TFAP2D: variants seen among roughly 807,000 people sequenced by gnomAD.
The protein encoded by TFAP2D is transcription factor AP-2 delta.
TFAP2D carries 9 observed loss-of-function variants against 43.6 expected under a neutral mutation model. The ratio of observed to expected loss-of-function variants is 0.21; its 90% CI spans 0.12 to 0.36. TFAP2D has a LOEUF of 0.36. TFAP2D is among the 10% of genes least tolerant of loss of function. The probability of loss-of-function intolerance (pLI) is 1.00; values close to 1 mark genes in which losing one functional copy is unlikely to be tolerated. For synonymous variants in TFAP2D, 256 were observed against 224.9 expected (o/e 1.14, Z -1.24); for missense variants, 513 against 561.4 (o/e 0.91, Z 0.87).
At chr6:50,737,973 TTTGA>T (rs1768986376) in intron 5 of TFAP2D, among the ~76,000 whole-genome samples, 2 of 152,118 alleles carry the variant, frequency 1.3e-5, no homozygotes, top group African/African-American at 4.8e-5. Context: ...CATTTATAGT[TTTGA>T]TTGATTATTG....
At chr6:50,748,804 T>C (rs1367881500) in intron 6 of TFAP2D, among the ~76,000 whole-genome samples, 1 of 151,916 alleles carries the variant, frequency 6.6e-6, no homozygotes, top group Non-Finnish European at 1.5e-5. Flanking sequence ...CAACTTTTAG[T>C]GTTACCATAC....
chr6:50,742,966 C>CACACACACACACACACAA (rs1212173327), intron 5 of TFAP2D, among the ~76,000 whole-genome samples: 15 of 140,552 alleles, frequency 1.1e-4, no homozygotes, highest in Admixed American at 5.5e-4. Flanking sequence ...CACACACACA[C>CACACACACACACACACAA]ACACACACAC....
At chr6:50,718,961 G>A in intron 2 of TFAP2D, 129 bp from the exon 3 acceptor site, 2 of 870,064 alleles carry the variant, frequency 2.3e-6, no homozygotes, top group African/African-American at 1.7e-5. Flanking sequence ...GCTTGCTTCA[G>A]CTCAATGCTT....
chr6:50,727,664 T>G (rs1768828264), intron 3 of TFAP2D, among the ~76,000 whole-genome samples: 1 of 152,212 alleles, frequency 6.6e-6, no homozygotes. Flanking sequence ...AAAACCTCTT[T>G]TCTCTCATAG....
chr6:50,720,703 G>T (rs1336401784), intron 3 of TFAP2D, among the ~76,000 whole-genome samples: 1 of 152,112 alleles, frequency 6.6e-6, no homozygotes, highest in Non-Finnish European at 1.5e-5. Flanking sequence ...CAGTGAACAG[G>T]GGACCAGGTG....
At chr6:50,755,355 C>A (rs1055143226) in intron 7 of TFAP2D, among the ~76,000 whole-genome samples, 1 of 151,452 alleles carries the variant, frequency 6.6e-6, no homozygotes, top group Non-Finnish European at 1.5e-5. Context: ...TGTTGCTTAG[C>A]CTTGAAATAT....
chr6:50,751,132 G>C (rs1306316547), intron 6 of TFAP2D, 79 bp from the exon 7 acceptor site: 4 of 970,416 alleles, frequency 4.1e-6, no homozygotes, highest in Non-Finnish European at 6.3e-6. Context: ...GAGAGAACAA[G>C]CCTTTGGTTA....
At chr6:50,736,159 C>T (rs1387835255) in intron 5 of TFAP2D, among the ~76,000 whole-genome samples, 3 of 152,150 alleles carry the variant, frequency 2.0e-5, no homozygotes, top group Admixed American at 2.0e-4. Context: ...TTAGTCCCAC[C>T]TTTGGGAGAA....
Position 50,739,961 on chromosome 6 carries a change from T to C in TFAP2D, c.884-5146T>C, listed in dbSNP as rs77944856. Among the ~76,000 whole-genome samples the C allele has an allele frequency of 3.2e-3, 487 of 152,270 alleles. 2 individuals are homozygous for C. Among genetic ancestry groups the C allele is most frequent in the African/African-American group, 0.011 (465 of 41,562 alleles). ...TCTCCAGGCCATAGATCGTATGATG[T>C]ATAGAGCTGTAGAATGCATTCCTTT... On this transcript the variant is annotated intron_variant, in intron 5 of 7. Coordinates refer to ENST00000008391, the MANE Select transcript of TFAP2D (RefSeq NM_172238.4).
At chr6:50,770,246 T>C in intron 7 of TFAP2D, among the ~76,000 whole-genome samples, 1 of 152,188 alleles carries the variant, frequency 6.6e-6, no homozygotes, top group Admixed American at 6.5e-5. Context: ...AGTTGTCTCA[T>C]TGTAGAAATA....
At chr6:50,716,601 A>T (rs758079211) in intron 2 of TFAP2D, among the ~76,000 whole-genome samples, 1 of 152,234 alleles carries the variant, frequency 6.6e-6, no homozygotes, top group Non-Finnish European at 1.5e-5. Context: ...CCAAAGATAG[A>T]ATTTATAATT....
chr6:50,756,579 T>C (rs1769268269), intron 7 of TFAP2D, among the ~76,000 whole-genome samples: 1 of 152,058 alleles, frequency 6.6e-6, no homozygotes, highest in South Asian at 2.1e-4. Context: ...CAGTGTGTTC[T>C]GGGAAGCCGT....
intron 3 of TFAP2D, among the ~76,000 whole-genome samples, chr6:50,726,143 C>G (rs554638867): frequency 2.0e-5 from 3 of 152,156 alleles, no homozygotes; most frequent in Non-Finnish European, 4.4e-5. Context: ...GGAGTTAGCA[C>G]GTGGGTAGAT....
At chr6:50,730,447 TA>T (rs2114039275) in intron 5 of TFAP2D, among the ~76,000 whole-genome samples, 1 of 152,060 alleles carries the variant, frequency 6.6e-6, no homozygotes, top group East Asian at 1.9e-4. Flanking sequence ...GTGCTGGTAC[TA>T]AAGGCTGGCA....
intron 5 of TFAP2D, among the ~76,000 whole-genome samples, chr6:50,729,807 G>C (rs924910288): frequency 6.6e-6 from 1 of 152,150 alleles, no homozygotes; most frequent in African/African-American, 2.4e-5. Context: ...TTTCAAGGCT[G>C]TATGGGTGGA....
At chr6:50,730,548 G>A (rs772812361) in intron 5 of TFAP2D, among the ~76,000 whole-genome samples, 1 of 152,054 alleles carries the variant, frequency 6.6e-6, no homozygotes, top group Non-Finnish European at 1.5e-5. Context: ...TCCAAAGGGA[G>A]ACAGATTTCT....
At chr6:50,748,837 CAT>C (rs554435155) in intron 6 of TFAP2D, among the ~76,000 whole-genome samples, 2 of 151,724 alleles carry the variant, frequency 1.3e-5, no homozygotes, top group African/African-American at 4.8e-5. Flanking sequence ...AAGGGTGAAA[CAT>C]AGAATTTGGA....
intron 2 of TFAP2D, 128 bp downstream of exon 2, chr6:50,715,741 TCTCTCTCTCACACA>T: frequency 1.4e-6 from 1 of 724,450 alleles, no homozygotes; most frequent in Non-Finnish European, 2.2e-6. Context: ...TCTCTCTCTC[TCTCTCTCTCACACA>T]CACACACACA....
chr6:50,742,638 T>G (rs1027949155), intron 5 of TFAP2D, among the ~76,000 whole-genome samples: 1 of 151,600 alleles, frequency 6.6e-6, no homozygotes, highest in Non-Finnish European at 1.5e-5. Flanking sequence ...AGATGATAGA[T>G]AGATAGACTC....
Sources: allele counts gnomAD v4.1 joint callset (sites outside exome capture counted in the v4.1 genomes callset), GRCh38; gene constraint gnomAD v4.1.1; transcripts MANE v1.5; gene names NCBI Gene and HGNC (gene_info 2026-07-23, HGNC 2026-07-21).